The following TGS1 variants were observed in gnomAD, a reference collection of about 807,000 sequenced individuals.
TGS1 encodes the protein trimethylguanosine synthase 1.
In TGS1, 69 loss-of-function variants were observed where a neutral mutation model predicts 92.2. That is an observed-to-expected ratio of 0.75 (90% CI 0.62 to 0.91). The LOEUF is 0.91. Among genes scored for constraint, TGS1 ranks in the 40% least tolerant of loss-of-function variants. TGS1 has a pLI of 0.00. For missense variants in TGS1, 1,062 were observed against 1,001.2 expected (o/e 1.06, Z -0.82); for synonymous variants, 345 against 338.1 (o/e 1.02, Z -0.22).
chr8:55,822,707 AGTGG>A (rs1803683541), intron 12 of TGS1, among the ~76,000 whole-genome samples: 1 of 151,304 alleles, frequency 6.6e-6, no homozygotes, highest in East Asian at 1.9e-4. Flanking sequence ...AAAAAAAAAT[AGTGG>A]GGGGGGTGCT....
At chr8:55,803,053 T>C (rs1235953989) in intron 9 of TGS1, among the ~76,000 whole-genome samples, 1 of 152,148 alleles carries the variant, frequency 6.6e-6, no homozygotes, top group Non-Finnish European at 1.5e-5. Flanking sequence ...TTCCTTAGCC[T>C]TTTTTGTCTT....
chr8:55,788,308 A>G (rs2130138229), intron 4 of TGS1, among the ~76,000 whole-genome samples: 1 of 152,266 alleles, frequency 6.6e-6, no homozygotes, highest in East Asian at 1.9e-4. Flanking sequence ...CTTATCTCAG[A>G]TTGCTGATAA....
intron 7 of TGS1, among the ~76,000 whole-genome samples, chr8:55,797,380 G>A (rs1220372429): frequency 5.9e-5 from 9 of 152,152 alleles, no homozygotes; most frequent in Non-Finnish European, 8.8e-5. Flanking sequence ...CCCACAACAC[G>A]TGGGGATTAT....
chr8:55,824,768 A>G lies in TGS1; in HGVS notation c.*65A>G, dbSNP rs1803747186. ...AAAATATTCAGATGAGACATTTGGC[A>G]TGTCTTCCTTTATTCACTGATATTT... On this transcript the variant is annotated 3_prime_UTR_variant, in exon 13 of 13. Transcript: ENST00000260129. 1 of 1,584,046 alleles carries G rather than the reference A, an allele frequency of 6.3e-7. No individual in the cohort carries two copies. The highest frequency in any genetic ancestry group is 8.6e-7 in the Non-Finnish European group (1 of 1,159,812).
chr8:55,774,381 G>A (rs1811318498), intron 1 of TGS1, among the ~76,000 whole-genome samples: 1 of 152,058 alleles, frequency 6.6e-6, no homozygotes, highest in Non-Finnish European at 1.5e-5. Flanking sequence ...AATCTCACAT[G>A]CTTATTTTGT....
chr8:55,787,096 G>A, intron 4 of TGS1, 36 bp downstream of exon 4: 2 of 1,486,728 alleles, frequency 1.3e-6, no homozygotes, highest in Non-Finnish European at 1.8e-6. Context: ...CCATGTAATG[G>A]TTAGCAAAAT....
In TGS1 at chr8:55,824,579, A is replaced by G. The variant is rs182083879; in HGVS notation, c.2440-2A>G. 6.2e-7 allele frequency: 1 copy of G among 1,614,112 alleles called. No homozygotes were observed. Among genetic ancestry groups the G allele is most frequent in the East Asian group, 2.2e-5 (1 of 44,880 alleles). On this transcript the variant is annotated splice_acceptor_variant, in intron 12 of 12. Transcript: ENST00000260129. LOFTEE classifies it high-confidence loss of function. ...GTGACTTTCTTCTGTTCATCTTTTT[A>G]GGTGGCATCCTTAGCTGGGCCTGGA...
rs560245666 is a variant in TGS1, at chr8:55,805,669, T to A, written c.2143+633T>A. Among the ~76,000 whole-genome samples, 21 of 152,194 alleles carry A rather than the reference T, an allele frequency of 1.4e-4. No individual in the cohort carries two copies. In the East Asian group the frequency reaches 4.1e-3, roughly 29 times the overall value. ...GGTAGGCCAAGGTAGGCGGATCACC[T>A]GAGGTCAGGAGTTCGACACCAGCCT... On this transcript the variant is annotated intron_variant, in intron 10 of 12. Coordinates refer to ENST00000260129, the MANE Select transcript of TGS1 (RefSeq NM_024831.8).
chr8:55,785,093 C>T (rs1359494647), intron 2 of TGS1, among the ~76,000 whole-genome samples: 1 of 147,076 alleles, frequency 6.8e-6, no homozygotes, highest in Non-Finnish European at 1.5e-5. Flanking sequence ...GAGACAGAGT[C>T]TCGCTCTCTC....
intron 12 of TGS1, among the ~76,000 whole-genome samples, chr8:55,815,314 C>T (rs1803445516): frequency 6.6e-6 from 1 of 151,948 alleles, no homozygotes; most frequent in East Asian, 1.9e-4. Context: ...GATGAGATTT[C>T]AAGTGTATTA....
At position 55,796,070 on chromosome 8, in the gene TGS1, A is replaced by G; in HGVS notation, c.1460A>G (p.Gln487Arg). 1 of 1,613,318 alleles carries G rather than the reference A, an allele frequency of 6.2e-7. No individual in the cohort carries two copies. The highest frequency in any genetic ancestry group is 2.2e-5 in the East Asian group (1 of 44,804). ...TCTAAGTACCTAGACATGCGCAGACAAATAAAGATGAAAAACAAACACATC... is the reference window on the plus strand; with the variant it reads ...TCTAAGTACCTAGACATGCGCAGACGAATAAAGATGAAAAACAAACACATC... ...LKSKYLDMRRQIKMKNKHIFF... is the reference protein window; with the variant it reads ...LKSKYLDMRRRIKMKNKHIFF... The change falls in exon 7 of 13, where the codon CAA becomes CGA. Residue 487 changes from glutamine (Q) to arginine (R), a missense_variant. Gln to Arg is a conservative substitution (Grantham distance 43, BLOSUM62 1). Transcript: ENST00000260129.
chr8:55,811,161 G>A (rs1366015412), intron 11 of TGS1, 64 bp downstream of exon 11: 4 of 511,588 alleles, frequency 7.8e-6, no homozygotes, highest in Non-Finnish European at 1.3e-5. Flanking sequence ...GAGCATGAGA[G>A]TGAGAGAGGG....
At chr8:55,806,129 G>T (rs868275170) in intron 10 of TGS1, among the ~76,000 whole-genome samples, 1 of 151,644 alleles carries the variant, frequency 6.6e-6, no homozygotes, top group African/African-American at 2.4e-5. Flanking sequence ...GCCGAGGCAG[G>T]CTGATCACCT....
At chr8:55,806,757 T>C (rs1431935520) in intron 10 of TGS1, among the ~76,000 whole-genome samples, 2 of 152,288 alleles carry the variant, frequency 1.3e-5, no homozygotes, top group East Asian at 3.9e-4. Flanking sequence ...TGAAATAACT[T>C]GCCCAAGATT....
At chr8:55,789,551 T>TA (rs142240228) in intron 4 of TGS1, among the ~76,000 whole-genome samples, 20 of 152,182 alleles carry the variant, frequency 1.3e-4, no homozygotes. Context: ...TGTTTTTTTT[T>TA]AAGTAGTTAG....
chr8:55,804,813 T>C (rs1812318400), intron 9 of TGS1, 80 bp from the exon 10 acceptor site: 1 of 1,210,810 alleles, frequency 8.3e-7, no homozygotes, highest in Non-Finnish European at 1.2e-6. Flanking sequence ...GTATGTAAGA[T>C]ATAGTAATGT....
At chr8:55,782,568 C>A (rs892150894) in intron 1 of TGS1, among the ~76,000 whole-genome samples, 180 bp from the exon 2 acceptor site, 15 of 152,226 alleles carry the variant, frequency 9.9e-5, no homozygotes, top group Admixed American at 8.5e-4. Context: ...TCAGTCCTTA[C>A]AACAACTCCA....
chr8:55,789,465 A>G (rs1272363906), intron 4 of TGS1, among the ~76,000 whole-genome samples: 2 of 152,230 alleles, frequency 1.3e-5, no homozygotes, highest in African/African-American at 4.8e-5. Context: ...GACTGCTAAC[A>G]GCTATCACAA....
chr8:55,802,835 A>G (rs1455480550), intron 9 of TGS1, among the ~76,000 whole-genome samples: 2 of 152,164 alleles, frequency 1.3e-5, no homozygotes, highest in Admixed American at 6.5e-5. Flanking sequence ...ACTTTAGTGT[A>G]TATTTGCTAA....
Sources: allele counts gnomAD v4.1 joint callset (sites outside exome capture counted in the v4.1 genomes callset), GRCh38; gene constraint gnomAD v4.1.1; transcripts MANE v1.5; gene names NCBI Gene and HGNC (gene_info 2026-07-23, HGNC 2026-07-21).